The following RBL1 variants were observed in gnomAD, a reference collection of about 807,000 sequenced individuals.
The protein encoded by RBL1 is RB transcriptional corepressor like 1.
A neutral mutation model predicts 123.0 loss-of-function variants in RBL1; 82 were observed. The observed-to-expected ratio is 0.67, with a 90% CI of 0.56 to 0.80. The LOEUF (loss-of-function observed/expected upper bound fraction) is 0.80. RBL1 is among the 30% of genes least tolerant of loss of function. The pLI is 0.00. For synonymous variants in RBL1, 405 were observed against 441.3 expected (o/e 0.92, Z 1.03); for missense variants, 1,171 against 1,299.6 (o/e 0.90, Z 1.52).
chr20:37,069,880 G>A (rs1204681849), intron 2 of RBL1, among the ~76,000 whole-genome samples: 3 of 151,072 alleles, frequency 2.0e-5, no homozygotes, highest in African/African-American at 4.9e-5. Context: ...CAGCCGCCCC[G>A]TCCAGGAGGT....
chr20:37,087,619 C>T (rs2065570661), intron 2 of RBL1, among the ~76,000 whole-genome samples: 2 of 151,636 alleles, frequency 1.3e-5, no homozygotes, highest in Non-Finnish European at 2.9e-5. Context: ...AAGAAAGGGA[C>T]AAAGTGATTG....
intron 2 of RBL1, among the ~76,000 whole-genome samples, chr20:37,084,755 A>G (rs2065513293): frequency 6.6e-6 from 1 of 152,104 alleles, no homozygotes; most frequent in Non-Finnish European, 1.5e-5. Context: ...AAGTTTATAT[A>G]TTTGTACATA....
At chr20:37,073,741 G>A (rs527293419) in intron 2 of RBL1, among the ~76,000 whole-genome samples, 1 of 146,580 alleles carries the variant, frequency 6.8e-6, no homozygotes, top group South Asian at 2.1e-4. Context: ...TACTCAAGTT[G>A]GGTGTGGCAG....
At chr20:37,082,068 G>T in intron 2 of RBL1, 1 of 454,610 alleles carries the variant, frequency 2.2e-6, no homozygotes, top group Non-Finnish European at 4.4e-6. Context: ...TATGCCGGGG[G>T]AGCCTGCAAG....
At chr20:37,060,796 A>C (rs751924070) in intron 9 of RBL1, among the ~76,000 whole-genome samples, 2 of 151,976 alleles carry the variant, frequency 1.3e-5, no homozygotes, top group Non-Finnish European at 2.9e-5. Flanking sequence ...AAAAAAACAA[A>C]AAAAAAGGGA....
At chr20:37,015,169 TTTGGCAGATAC>T (rs982815033) in intron 19 of RBL1, among the ~76,000 whole-genome samples, 7 of 151,900 alleles carry the variant, frequency 4.6e-5, no homozygotes, top group African/African-American at 1.7e-4. Context: ...CCCAAGTTTC[TTTGGCAGATAC>T]TTATCAAAAA....
intron 2 of RBL1, among the ~76,000 whole-genome samples, chr20:37,082,416 ATT>A (rs1288635505): frequency 1.3e-5 from 2 of 152,086 alleles, no homozygotes; most frequent in African/African-American, 4.8e-5. Flanking sequence ...GAACTTAAAA[ATT>A]GTCAACTTTA....
At chr20:37,014,654 C>G (rs1457634246) in intron 19 of RBL1, among the ~76,000 whole-genome samples, 1 of 151,740 alleles carries the variant, frequency 6.6e-6, no homozygotes, top group African/African-American at 2.4e-5. Flanking sequence ...TAAAAATTAG[C>G]CAGGACGTGG....
At chr20:37,085,132 C>CTTTTT (rs1212338574) in intron 2 of RBL1, among the ~76,000 whole-genome samples, 7 of 132,986 alleles carry the variant, frequency 5.3e-5, no homozygotes, top group Middle Eastern at 3.8e-3. Context: ...CTTTTCTTTT[C>CTTTTT]TTTTTTTTTT....
intron 11 of RBL1, among the ~76,000 whole-genome samples, chr20:37,048,977 G>A (rs2064859132): frequency 6.6e-6 from 1 of 151,528 alleles, no homozygotes. Context: ...CGAGGGGGGT[G>A]GATTACCTGA....
At chr20:37,073,631 A>T (rs2065315508) in intron 2 of RBL1, among the ~76,000 whole-genome samples, 1 of 148,236 alleles carries the variant, frequency 6.7e-6, no homozygotes, top group African/African-American at 2.5e-5. Context: ...CCAGGAGGTC[A>T]AGGCTGCAGT....
chr20:37,088,864 AAAATAAAT>A (rs535306752), intron 2 of RBL1, 117 bp downstream of exon 2: 26 of 637,960 alleles, frequency 4.1e-5, no homozygotes, highest in South Asian at 3.0e-4. Context: ...CTGCGTCTCA[AAAATAAAT>A]AAATAAATAA....
chr20:37,023,493 G>T (rs951697053), intron 16 of RBL1, among the ~76,000 whole-genome samples: 6 of 151,892 alleles, frequency 4.0e-5, no homozygotes, highest in African/African-American at 9.7e-5. Context: ...ATTGCTAGGG[G>T]GTCTAACATG....
intron 2 of RBL1, among the ~76,000 whole-genome samples, chr20:37,087,897 A>T (rs1328060388): frequency 6.6e-6 from 1 of 152,228 alleles, no homozygotes; most frequent in East Asian, 1.9e-4. Flanking sequence ...TATTTAAAGA[A>T]ATACACAGTG....
intron 1 of RBL1, among the ~76,000 whole-genome samples, chr20:37,092,464 G>A (rs900181292): frequency 3.3e-5 from 5 of 152,044 alleles, no homozygotes; most frequent in Non-Finnish European, 7.4e-5. Context: ...GACCTCCCAG[G>A]CTCAAGCAAT....
intron 9 of RBL1, among the ~76,000 whole-genome samples, chr20:37,058,632 T>C (rs992544326): frequency 6.6e-5 from 10 of 152,088 alleles, no homozygotes; most frequent in Admixed American, 6.6e-5. Flanking sequence ...CTCAAACTCC[T>C]GAGCTCAAGC....
chr20:37,071,101 G>C (rs2065275358), intron 2 of RBL1, among the ~76,000 whole-genome samples: 1 of 151,992 alleles, frequency 6.6e-6, no homozygotes, highest in African/African-American at 2.4e-5. Context: ...CACCATGTTT[G>C]CCAGGATGGT....
chr20:37,010,758 C>CTATA (rs36003402), intron 19 of RBL1, among the ~76,000 whole-genome samples: 4 of 143,452 alleles, frequency 2.8e-5, no homozygotes, highest in African/African-American at 1.1e-4. Context: ...TGGCACATGA[C>CTATA]TATGTGTGTG....
chr20:37,090,838 T>G (rs1191556614), intron 1 of RBL1, among the ~76,000 whole-genome samples: 1 of 152,088 alleles, frequency 6.6e-6, no homozygotes, highest in African/African-American at 2.4e-5. Flanking sequence ...AGAAAACATA[T>G]AGTAAAAATA....
Sources: allele counts gnomAD v4.1 joint callset (sites outside exome capture counted in the v4.1 genomes callset), GRCh38; gene constraint gnomAD v4.1.1; transcripts MANE v1.5; gene names NCBI Gene and HGNC (gene_info 2026-07-23, HGNC 2026-07-21).